FMN1: variants seen among roughly 807,000 people sequenced by gnomAD.
The protein encoded by FMN1 is formin 1.
In FMN1, 110 loss-of-function variants were observed where a neutral mutation model predicts 132.4. The observed-to-expected ratio is 0.83, with a 90% confidence interval of 0.71 to 0.97. The LOEUF (loss-of-function observed/expected upper bound fraction) is 0.97, where lower values mean the gene tolerates loss of function less well. Ranked by LOEUF, FMN1 falls within the 50% of genes least tolerant of loss-of-function variation. The pLI, the probability that FMN1 is intolerant of heterozygous loss-of-function variation, is 0.00. For synonymous variants in FMN1, 722 were observed against 651.7 expected (o/e 1.11, Z -1.64); for missense variants, 1,792 against 1,705.3 (o/e 1.05, Z -0.90).
At chr15:33,010,136 G>C (rs1003509149) in intron 6 of FMN1, among the ~76,000 whole-genome samples, 1 of 152,042 alleles carries the variant, frequency 6.6e-6, no homozygotes, top group Non-Finnish European at 1.5e-5. Context: ...CACCCCCCTC[G>C]GCTTCTCAAA....
chr15:33,037,977 C>A (rs1189979747), intron 6 of FMN1, among the ~76,000 whole-genome samples: 1 of 152,194 alleles, frequency 6.6e-6, no homozygotes, highest in African/African-American at 2.4e-5. Context: ...TATAACCATA[C>A]CTTGGGAGGC....
rs902510769 is a variant in FMN1 at position 32,991,303 on chromosome 15, G to A, written c.2223+16711C>T. 4.7e-4 allele frequency among the ~76,000 whole-genome samples: 71 copies of A among 152,240 alleles called. 1 individual carries two copies. The highest frequency in any genetic ancestry group is 1.7e-3 in the African/African-American group (71 of 41,546). On this transcript the variant is annotated intron_variant, in intron 7 of 20. Coordinates refer to ENST00000616417, the MANE Select transcript of FMN1 (RefSeq NM_001277313.2). ...CTCATCAACTTATTCCTTCTGGCCA[G>A]CTCCCTGCTTTACCTATTTAGATCT...
At chr15:33,012,479 G>C (rs2034784885) in intron 6 of FMN1, 2 of 1,185,546 alleles carry the variant, frequency 1.7e-6, no homozygotes, top group Admixed American at 1.7e-5. Flanking sequence ...CATCACCTAA[G>C]AGATTATTTT....
At chr15:33,081,901 G>A (rs999969207) in intron 5 of FMN1, among the ~76,000 whole-genome samples, 4 of 152,096 alleles carry the variant, frequency 2.6e-5, no homozygotes, top group Admixed American at 6.6e-5. Flanking sequence ...TACTTGGAAC[G>A]GGATGCTTTG....
At chr15:33,019,100 C>T (rs1038121206) in intron 6 of FMN1, among the ~76,000 whole-genome samples, 6 of 152,162 alleles carry the variant, frequency 3.9e-5, no homozygotes, top group African/African-American at 1.4e-4. Context: ...TGGCCCCACC[C>T]ACATCCTGCT....
chr15:33,169,015 T>G (rs1246544049), intron 3 of FMN1, among the ~76,000 whole-genome samples: 1 of 152,194 alleles, frequency 6.6e-6, no homozygotes, highest in Non-Finnish European at 1.5e-5. Context: ...CGATACTTTA[T>G]ACAAAAATCT....
At chr15:32,815,025 C>T (rs1361210764) in intron 17 of FMN1, among the ~76,000 whole-genome samples, 1 of 152,140 alleles carries the variant, frequency 6.6e-6, no homozygotes, top group East Asian at 1.9e-4. Flanking sequence ...TCACTGCAAG[C>T]TCCGCCTCCC....
chr15:32,920,863 G>C (rs1192769077), intron 10 of FMN1, among the ~76,000 whole-genome samples: 1 of 152,140 alleles, frequency 6.6e-6, no homozygotes, highest in Non-Finnish European at 1.5e-5. Context: ...CATTTCTATA[G>C]ACATAGCTTC....
At chr15:32,990,673 T>G (rs1268840837) in intron 7 of FMN1, among the ~76,000 whole-genome samples, 4 of 152,250 alleles carry the variant, frequency 2.6e-5, no homozygotes, top group Non-Finnish European at 1.5e-5. Flanking sequence ...CACACTGCTG[T>G]AAAGAACTGC....
At chr15:33,095,822 A>G (rs147293707) in intron 4 of FMN1, among the ~76,000 whole-genome samples, 4 of 152,220 alleles carry the variant, frequency 2.6e-5, no homozygotes, top group Non-Finnish European at 5.9e-5. Flanking sequence ...TCTTGAAGAC[A>G]TATGATGTAA....
intron 6 of FMN1, among the ~76,000 whole-genome samples, chr15:33,039,858 A>T (rs2036348764): frequency 6.6e-6 from 1 of 152,152 alleles, no homozygotes; most frequent in Non-Finnish European, 1.5e-5. Context: ...TCTCCTCTGG[A>T]CTACTATTAG....
At chr15:32,938,228 G>A (rs962258226) in intron 9 of FMN1, among the ~76,000 whole-genome samples, 6 of 151,896 alleles carry the variant, frequency 4.0e-5, no homozygotes, top group African/African-American at 1.2e-4. Flanking sequence ...AGGACAATTA[G>A]AAATCATCCA....
intron 3 of FMN1, among the ~76,000 whole-genome samples, chr15:33,177,764 G>T (rs1420700722): frequency 6.6e-6 from 1 of 152,192 alleles, no homozygotes; most frequent in Non-Finnish European, 1.5e-5. Context: ...CAGCACTCTG[G>T]GAGGCTGAAG....
At chr15:32,810,780 G>A in intron 17 of FMN1, 2 of 236,478 alleles carry the variant, frequency 8.5e-6, no homozygotes, top group South Asian at 1.1e-4. Flanking sequence ...GTGAAATAAG[G>A]GGAAGGGATA....
intron 6 of FMN1, among the ~76,000 whole-genome samples, chr15:33,023,570 TA>T (rs1157172559): frequency 6.6e-6 from 1 of 152,020 alleles, no homozygotes; most frequent in Non-Finnish European, 1.5e-5. Flanking sequence ...GACATTGAAA[TA>T]AAAGGTGCAA....
chr15:33,061,290 T>A (rs1026326735), intron 6 of FMN1, among the ~76,000 whole-genome samples: 1 of 152,196 alleles, frequency 6.6e-6, no homozygotes, highest in African/African-American at 2.4e-5. Context: ...AAAGCTAGCA[T>A]GCTCGAGTCA....
chr15:33,088,974 C>A lies in FMN1; in HGVS notation c.1868G>T (p.Gly623Val), dbSNP rs2141360207. The A allele has an allele frequency of 6.5e-7, 1 of 1,529,484 alleles. No individual in the cohort carries two copies. The highest frequency in any genetic ancestry group is 2.4e-5 in the East Asian group (1 of 40,866). 94.7% of individuals were successfully genotyped at this position (1,529,484 alleles called of 1,614,324 possible). A position where few individuals can be genotyped will look rare whatever the true frequency, so the allele number is the denominator to read the frequency against. Reference sequence around the variant, plus strand: ...CCAGGGAAAGCCCTCAGAGGAGATACCTAAACAAACACAGAGAAGGCCATC... The same window carrying A: ...CCAGGGAAAGCCCTCAGAGGAGATAACTAAACAAACACAGAGAAGGCCATC... Reference protein sequence around the residue: ...TAEPQHQSPPGISSEGFPWDG... With the variant: ...TAEPQHQSPPVISSEGFPWDG... The change falls in exon 5 of 21, where the codon GGT (glycine) becomes GTT (valine). Residue 623 changes from glycine to valine, a missense_variant and splice_region_variant. By Grantham distance (109) the Gly-to-Val change is moderately radical. Around this residue, in one of 3 missense-constraint regions of FMN1, gnomAD observed 1,150 missense variants for 1,043.1 expected, o/e 1.10. Transcript: ENST00000616417.
At chr15:32,822,633 T>G (rs1268880029) in intron 17 of FMN1, among the ~76,000 whole-genome samples, 1 of 152,194 alleles carries the variant, frequency 6.6e-6, no homozygotes, top group East Asian at 1.9e-4. Context: ...TATGTGTACA[T>G]TTATTTTTCA....
chr15:32,854,902 A>G (rs941655425), intron 17 of FMN1, among the ~76,000 whole-genome samples: 4 of 150,964 alleles, frequency 2.6e-5, no homozygotes, highest in Non-Finnish European at 4.4e-5. Flanking sequence ...CAATGAGGGT[A>G]AAACTCCACC....
Sources: gnomAD v4.1 joint callset for allele counts (sites outside exome capture counted in the v4.1 genomes callset) on GRCh38, gnomAD v4.1.1 for gene constraint, gnomAD v4.1.1 regional missense constraint, MANE v1.5 for transcripts, NCBI Gene and HGNC (gene_info 2026-07-23, HGNC 2026-07-21) for gene names.